SHC2: variants seen among roughly 807,000 people sequenced by gnomAD.
The protein encoded by SHC2 is SHC adaptor protein 2.
Under a neutral mutation model 60.6 loss-of-function variants are expected in SHC2, and 62 were observed. That is an observed-to-expected ratio of 1.02 (90% confidence interval 0.83 to 1.26). The LOEUF (loss-of-function observed/expected upper bound fraction) is 1.26, where lower values mean the gene tolerates loss of function less well. Ranked by LOEUF, SHC2 falls within the 50% of genes most tolerant of loss-of-function variation. The pLI, the probability that SHC2 is intolerant of heterozygous loss-of-function variation, is 0.00. For missense variants in SHC2, 873 were observed against 822.2 expected (o/e 1.06, Z -0.76); for synonymous variants, 375 against 372.4 (o/e 1.01, Z -0.08).
intron 12 of SHC2, among the ~76,000 whole-genome samples, chr19:418,683 GTGGGGTTGGAGC>G (rs1309316795): frequency 1.3e-5 from 2 of 152,184 alleles, no homozygotes; most frequent in African/African-American, 4.8e-5. Context: ...AGGCGGATGT[GTGGGGTTGGAGC>G]TGGGGAGGGG....
At chr19:458,202 G>T (rs1975413417) in intron 1 of SHC2, among the ~76,000 whole-genome samples, 1 of 142,722 alleles carries the variant, frequency 7.0e-6, no homozygotes, top group African/African-American at 2.7e-5. Context: ...CGGGGAAGTG[G>T]GTTCCGGGGA....
Position 448,546 on chromosome 19 carries a change from G to T in SHC2, c.469-7614C>A, listed in dbSNP as rs538368311. On this transcript the variant is annotated intron_variant, in intron 1 of 12. Transcript: ENST00000264554. ...GTGTGGCCTCATCTTAACTAACCAC[G>T]TCTGCAAAGGACCTTTTCCAAATAA... Among the ~76,000 whole-genome samples, 38 of 152,232 alleles carry T rather than the reference G, an allele frequency of 2.5e-4. No individual in the cohort carries two copies. In the South Asian group the frequency reaches 3.3e-3, roughly 13 times the overall value.
At chr19:426,251 C>T (rs1974412790) in intron 9 of SHC2, among the ~76,000 whole-genome samples, 1 of 152,244 alleles carries the variant, frequency 6.6e-6, no homozygotes, top group Non-Finnish European at 1.5e-5. Flanking sequence ...TCTCCCCCGC[C>T]TTCCCAGTCT....
chr19:426,961 G>T (rs1974431604), intron 9 of SHC2, among the ~76,000 whole-genome samples: 3 of 152,282 alleles, frequency 2.0e-5, no homozygotes, highest in Middle Eastern at 3.4e-3. Flanking sequence ...CTTGGCCAGA[G>T]AATCGGGAAG....
At chr19:423,761 T>C (rs1012495882) in intron 10 of SHC2, among the ~76,000 whole-genome samples, 10 of 152,222 alleles carry the variant, frequency 6.6e-5, no homozygotes, top group Non-Finnish European at 1.2e-4. Context: ...AGCCAGCGAC[T>C]GGTTTGGGGA....
intron 10 of SHC2, among the ~76,000 whole-genome samples, chr19:423,175 TCCTGGGGGGTCCTCCCGC>T (rs1974326989): frequency 9.5e-6 from 1 of 105,796 alleles, no homozygotes; most frequent in East Asian, 2.8e-4. Context: ...CAGCTCCTGG[TCCTGGGGGGTCCTCCCGC>T]CCTGACCCTC....
chr19:417,966 C>A (rs984649107), intron 12 of SHC2, among the ~76,000 whole-genome samples: 1 of 152,162 alleles, frequency 6.6e-6, no homozygotes, highest in Admixed American at 6.5e-5. Context: ...CCCCCTCCCC[C>A]TGCCGGCCCT....
chr19:418,559 G>A (rs1009666350), intron 12 of SHC2, among the ~76,000 whole-genome samples: 28 of 152,198 alleles, frequency 1.8e-4, no homozygotes, highest in Admixed American at 1.2e-3. Flanking sequence ...GGGCCACGGC[G>A]CAATGCCCCT....
rs1468671836 is a variant in SHC2 at position 440,344 on chromosome 19, AC to A, written c.539+517del. On this transcript the variant is annotated intron_variant, in intron 2 of 12. Transcript: ENST00000264554. This position sits in a 1 kb window ranked among gnomAD's most constrained non-coding sequence, Gnocchi z 7.0. ...AGTCTCAAACTGTACATTATATCTC[AC>A]ATACGCACGTGTAAACTGTCTCACA... Among the ~76,000 whole-genome samples, 19 of 152,042 alleles carry A rather than the reference AC, an allele frequency of 1.2e-4. No homozygotes were observed. Among genetic ancestry groups the A allele is most frequent in the African/African-American group, 3.9e-4 (16 of 41,390 alleles).
rs1043656972 is a variant in SHC2, at chr19:460,955, G to GGGGGGCGCC, written c.33_41dup (p.Ala15_Pro17dup). ...TGGGCGCCTCGGGCTCGGGGGGCGCGGGGGGCGCCGGGGGCGCGCGCCCGC... is the reference window on the plus strand; with the variant it reads ...TGGGCGCCTCGGGCTCGGGGGGCGCGGGGGGCGCCGGGGGCGCCGGGGGCGCGCGCCCGC... On this transcript the variant is annotated inframe_insertion, in exon 1 of 13. Transcript: ENST00000264554. 2.0e-6 allele frequency: 2 copies of GGGGGGCGCC among 983,294 alleles called. No individual in the cohort carries two copies. The highest frequency in any genetic ancestry group is 3.5e-5 in the African/African-American group (2 of 56,510). 60.9% of individuals were successfully genotyped at this position (983,294 alleles called of 1,614,324 possible).
chr19:430,301 C>G (rs141750904), intron 9 of SHC2, among the ~76,000 whole-genome samples: 2,866 of 151,842 alleles, frequency 0.019, 94 homozygotes, highest in African/African-American at 0.066. Context: ...TGCACAGAAA[C>G]CTAATACCGT....
At chr19:457,125 CG>C in intron 1 of SHC2, among the ~76,000 whole-genome samples, 2 of 142,880 alleles carry the variant, frequency 1.4e-5, no homozygotes, top group African/African-American at 2.6e-5. Flanking sequence ...TGCTGTGCCC[CG>C]ACTAGAACTC....
chr19:434,680 T>C, intron 8 of SHC2, 29 bp downstream of exon 8: 2 of 1,574,316 alleles, frequency 1.3e-6, no homozygotes, highest in Non-Finnish European at 1.7e-6. Context: ...GGCATCCCTG[T>C]CCCCATCCCC....
chr19:459,093 G>A (rs113333592), intron 1 of SHC2, among the ~76,000 whole-genome samples: 14,528 of 151,672 alleles, frequency 0.096, 864 homozygotes, highest in Middle Eastern at 0.21. Context: ...TCTTGACTAG[G>A]TTACATCTGC....
chr19:443,042 G>C (rs1348486673), intron 1 of SHC2, among the ~76,000 whole-genome samples: 2 of 148,046 alleles, frequency 1.4e-5, no homozygotes, highest in Non-Finnish European at 1.5e-5. Context: ...TGAATGGATG[G>C]ATGGACGGGT....
intron 1 of SHC2, among the ~76,000 whole-genome samples, chr19:456,175 C>G (rs896490667): frequency 1.4e-4 from 22 of 152,202 alleles, no homozygotes; most frequent in Non-Finnish European, 3.1e-4. Flanking sequence ...CGGGCCTGAG[C>G]CGCCGGCCGC....
At chr19:454,897 C>T (rs1288867335) in intron 1 of SHC2, among the ~76,000 whole-genome samples, 2 of 152,204 alleles carry the variant, frequency 1.3e-5, no homozygotes, top group Non-Finnish European at 2.9e-5. Context: ...TCTCCCAGTG[C>T]TGGTGGTGGC....
At chr19:456,085 G>C (rs866591751) in intron 1 of SHC2, among the ~76,000 whole-genome samples, 1 of 152,172 alleles carries the variant, frequency 6.6e-6, no homozygotes, top group Admixed American at 6.5e-5. Flanking sequence ...TTTTCACTGC[G>C]TAACCTCAGA....
Position 453,800 on chromosome 19 carries a change from G to A in SHC2, c.468+6729C>T, listed in dbSNP as rs919683998. 2.6e-5 allele frequency among the ~76,000 whole-genome samples: 4 copies of A among 152,176 alleles called. No individual in the cohort carries two copies. On this transcript the variant is annotated intron_variant, in intron 1 of 12. Transcript: ENST00000264554. This position sits in a 1 kb window ranked among gnomAD's most constrained non-coding sequence, Gnocchi z 6.3. The stretch of plus-strand genomic sequence containing the variant: ...TTTGCGTCCATCCCCCACCGGGCCT[G>A]GGCTCCACGCACCTGGAGCAGAGCC...
Sources: gnomAD v4.1 joint callset for allele counts (sites outside exome capture counted in the v4.1 genomes callset) on GRCh38, gnomAD v4.1.1 for gene constraint, Gnocchi (gnomAD v3.1) non-coding constraint, MANE v1.5 for transcripts, NCBI Gene and HGNC (gene_info 2026-07-23, HGNC 2026-07-21) for gene names.